Variants in SMC4 observed in about 807,000 individuals in gnomAD.
SMC4 encodes the protein structural maintenance of chromosomes 4.
SMC4 carries 87 observed loss-of-function variants against 145.6 expected under a neutral mutation model. The ratio of observed to expected loss-of-function variants is 0.60; its 90% CI spans 0.50 to 0.71. SMC4 has a LOEUF of 0.71. Among genes scored for constraint, SMC4 ranks in the 30% least tolerant of loss-of-function variants. The probability of loss-of-function intolerance (pLI) is 0.00; values close to 1 mark genes in which losing one functional copy is unlikely to be tolerated. For missense variants in SMC4, 1,447 were observed against 1,537.1 expected, an observed-to-expected ratio of 0.94 and a Z score of 0.98; for synonymous variants, 558 against 500.7, an observed-to-expected ratio of 1.11 and a Z score of -1.53.
Position 160,431,712 on chromosome 3 carries a change from G to C in SMC4, c.3184G>C (p.Asp1062His), listed in dbSNP as rs769837048. The change falls in exon 21 of 24, where the codon GAT becomes CAT. Residue 1062 changes from aspartate to histidine, a missense_variant. Physicochemically the swap from Asp to His is moderately conservative, Grantham distance 81. Coordinates refer to ENST00000357388, the MANE Select transcript of SMC4 (RefSeq NM_001002800.3). ...IEEISVLSPE[D>H]LEAIKNPDSI... The stretch of plus-strand genomic sequence containing the variant: ...AGAGATTTCGGTTCTAAGCCCAGAG[G>C]ATCTTGAAGCGATCAAGAATCCAGA... 1 of 1,613,334 alleles carries C rather than the reference G, an allele frequency of 6.2e-7. No homozygotes were observed. The highest frequency in any genetic ancestry group is 1.1e-5 in the South Asian group (1 of 90,922).
chr3:160,413,486 A>G lies in SMC4; in HGVS notation c.994A>G (p.Lys332Glu), dbSNP rs146584776. 326 of 1,582,366 alleles carry G rather than the reference A, an allele frequency of 2.1e-4. No individual in the cohort carries two copies. The highest frequency in any genetic ancestry group is 2.6e-4 in the Non-Finnish European group (302 of 1,171,594). ...VCQYYIYELQ[K>E]RIAEMETQKE... ...TCCTCCCTATAGTTATGAGTTGCAG[A>G]AACGAATTGCTGAAATGGAAACTCA... Residue 332 changes from lysine to glutamate, a missense_variant, in exon 8 of 24, where the codon AAA becomes GAA. By Grantham distance (56) the Lys-to-Glu change is moderately conservative. Coordinates refer to ENST00000357388, the MANE Select transcript of SMC4 (RefSeq NM_001002800.3).
chr3:160,432,241 A>G (rs777858287), intron 21 of SMC4, 42 bp from the exon 22 acceptor site: 1 of 1,381,116 alleles, frequency 7.2e-7, no homozygotes. Flanking sequence ...TATCATATCA[A>G]ATTTATCTGA....
rs772016913 is a variant in SMC4, at chr3:160,433,853, A to AT, written c.*51dup. The AT allele has an allele frequency of 1.3e-5, 19 of 1,436,146 alleles. No homozygotes were observed. Among genetic ancestry groups the AT allele is most frequent in the South Asian group, 2.6e-5 (2 of 77,482 alleles). 89.0% of individuals were successfully genotyped at this position (1,436,146 alleles called of 1,614,324 possible). ...TTCAAGTTGATTCAGTGTATTACTG[A>AT]TTTTTTTCTATTTGTAAAGGATTAT... On this transcript the variant is annotated 3_prime_UTR_variant, in exon 24 of 24. Coordinates refer to ENST00000357388, the MANE Select transcript of SMC4 (RefSeq NM_001002800.3).
intron 10 of SMC4, 45 bp from the exon 11 acceptor site, chr3:160,417,678 G>T (rs761961289): frequency 7.0e-7 from 1 of 1,425,450 alleles, no homozygotes; most frequent in East Asian, 2.3e-5. Flanking sequence ...GTGTAGGTTT[G>T]AAAGTAAATA....
chr3:160,403,438 TTTTCTC>T (rs1185884853), intron 4 of SMC4, among the ~76,000 whole-genome samples: 3 of 152,268 alleles, frequency 2.0e-5, no homozygotes, highest in Admixed American at 1.3e-4. Context: ...TGTTGAGACT[TTTTCTC>T]TTCTGTTTAA....
At chr3:160,418,417 C>T (rs1716811518) in intron 11 of SMC4, among the ~76,000 whole-genome samples, 1 of 152,072 alleles carries the variant, frequency 6.6e-6, no homozygotes, top group African/African-American at 2.4e-5. Flanking sequence ...GTCCCCCATC[C>T]TTGAGTGAAT....
intron 1 of SMC4, chr3:160,400,159 C>T (rs1031924979): frequency 6.6e-6 from 1 of 152,410 alleles, no homozygotes; most frequent in Non-Finnish European, 1.5e-5. Context: ...GAGAGACAAA[C>T]TCTTGCCACT....
Position 160,413,561 on chromosome 3 carries a change from A to G in SMC4, c.1069A>G (p.Ile357Val). Residue 357 changes from isoleucine (I) to valine (V), a missense_variant, in exon 8 of 24, where the codon ATA becomes GTA. Ile to Val is a conservative substitution (Grantham distance 29). Coordinates refer to ENST00000357388, the MANE Select transcript of SMC4 (RefSeq NM_001002800.3). ...CAAAGAAATTAATGAGAAGAGCAATATACTATCAAATGAAATGAAAGCTAA... is the reference window on the plus strand; with the variant it reads ...CAAAGAAATTAATGAGAAGAGCAATGTACTATCAAATGAAATGAAAGCTAA... Reference protein sequence around the residue: ...DTKEINEKSNILSNEMKAKNK... With the variant: ...DTKEINEKSNVLSNEMKAKNK... 2 of 1,501,154 alleles carry G rather than the reference A, an allele frequency of 1.3e-6. No homozygotes were observed. The highest frequency in any genetic ancestry group is 1.8e-6 in the Non-Finnish European group (2 of 1,101,052). 93.0% of individuals were successfully genotyped at this position (1,501,154 alleles called of 1,614,324 possible).
rs185163426 is a variant in SMC4, at chr3:160,414,381, T to C, written c.1136T>C (p.Ile379Thr). 17 of 1,599,056 alleles carry C rather than the reference T, an allele frequency of 1.1e-5. No homozygotes were observed. In the Admixed American group the frequency reaches 2.4e-4, roughly 22 times the overall value. The change falls in exon 9 of 24, where the codon ATT (isoleucine) becomes ACT (threonine). Residue 379 changes from isoleucine to threonine, a missense_variant. Coordinates refer to ENST00000357388, the MANE Select transcript of SMC4 (RefSeq NM_001002800.3). ...VKDTEKKLNKITKFIEENKEK... is the reference protein window; with the variant it reads ...VKDTEKKLNKTTKFIEENKEK... The stretch of plus-strand genomic sequence containing the variant: ...TGCTTTGCTAGGAAACTGAATAAAA[T>C]TACAAAATTTATTGAGGAGAATAAA...
At chr3:160,420,395 G>A (rs1000190911) in intron 12 of SMC4, among the ~76,000 whole-genome samples, 7 of 152,148 alleles carry the variant, frequency 4.6e-5, no homozygotes, top group Non-Finnish European at 1.0e-4. Context: ...AGATAGTTGT[G>A]TAATAGATAA....
At position 160,434,074 on chromosome 3, in the gene SMC4, G is replaced by C. The variant is rs988048845; in HGVS notation, c.*265G>C. 3.2e-5 allele frequency: 9 copies of C among 280,102 alleles called. No homozygotes were observed. The highest frequency in any genetic ancestry group is 5.8e-5 in the Admixed American group (1 of 17,206). The allele number at this position is 280,102 out of a possible 1,614,324, so 17.4% of individuals were successfully genotyped here. A position where few individuals can be genotyped will look rare whatever the true frequency, so the allele number is the denominator to read the frequency against. On this transcript the variant is annotated 3_prime_UTR_variant, in exon 24 of 24. Transcript: ENST00000357388. ...GTCAGGTAACTTGCCAAACTAAAAA[G>C]TATGTTAGTTGAGGCAAAGTCCTAA...
Position 160,434,044 on chromosome 3 carries a change from G to A in SMC4, c.*235G>A, listed in dbSNP as rs1239520955. Reference sequence around the variant, plus strand: ...GACTATGGAGAAAAATGAGTTACCTGGAGGGTCAGGTAACTTGCCAAACTA... The same window carrying A: ...GACTATGGAGAAAAATGAGTTACCTAGAGGGTCAGGTAACTTGCCAAACTA... On this transcript the variant is annotated 3_prime_UTR_variant, in exon 24 of 24. Transcript: ENST00000357388. 5 of 331,352 alleles carry A rather than the reference G, an allele frequency of 1.5e-5. No homozygotes were observed. Among genetic ancestry groups the A allele is most frequent in the Non-Finnish European group, 2.7e-5 (5 of 183,374 alleles). The allele number at this position is 331,352 out of a possible 1,614,324, so 20.5% of individuals were successfully genotyped here.
intron 17 of SMC4, among the ~76,000 whole-genome samples, chr3:160,427,112 G>A (rs567521089): frequency 6.6e-6 from 1 of 152,312 alleles, no homozygotes; most frequent in South Asian, 2.1e-4. Flanking sequence ...ATTAATTTGT[G>A]TCTGTGTTTA....
Position 160,418,308 on chromosome 3 carries a change from A to G in SMC4, c.1671+352A>G, listed in dbSNP as rs185038555. On this transcript the variant is annotated intron_variant, in intron 11 of 23. Coordinates refer to ENST00000357388, the MANE Select transcript of SMC4 (RefSeq NM_001002800.3). ...TTATATAATGAATATACAAACAACT[A>G]TCTTAATGTGTTTTGGGTTTTGAAT... Among the ~76,000 whole-genome samples the G allele has an allele frequency of 8.3e-4, 127 of 152,344 alleles. 2 individuals are homozygous for G. The highest frequency in any genetic ancestry group is 1.6e-3 in the Non-Finnish European group (108 of 68,026).
chr3:160,408,533 C>T (rs936398985), intron 5 of SMC4, among the ~76,000 whole-genome samples: 10 of 152,150 alleles, frequency 6.6e-5, no homozygotes, highest in South Asian at 2.1e-4. Flanking sequence ...AGTGTTGTAG[C>T]GACTTGAAAC....
At chr3:160,413,948 G>C (rs1275384411) in intron 8 of SMC4, 1 of 302,936 alleles carries the variant, frequency 3.3e-6, no homozygotes, top group Non-Finnish European at 6.2e-6. Context: ...AGATTTTTAA[G>C]GGTTTTATCA....
At chr3:160,411,207 A>G (rs962049313) in intron 5 of SMC4, among the ~76,000 whole-genome samples, 6 of 152,232 alleles carry the variant, frequency 3.9e-5, no homozygotes, top group African/African-American at 1.2e-4. Context: ...TATATTAGTG[A>G]TTACAAACTG....
intron 5 of SMC4, among the ~76,000 whole-genome samples, chr3:160,409,042 G>A (rs1014381556): frequency 4.6e-5 from 7 of 151,452 alleles, no homozygotes; most frequent in South Asian, 2.1e-4. Context: ...CCAGACGGGC[G>A]GATCACGAGG....
In SMC4 at chr3:160,402,053, A is replaced by T; in HGVS notation, c.278A>T (p.Lys93Ile). 1 of 1,572,616 alleles carries T rather than the reference A, an allele frequency of 6.4e-7. No individual in the cohort carries two copies. ...ACTCATATTGTAAACCAGAACTTCA[A>T]ATCCTATGCTGGGGAGAAAATTCTG... Reference protein sequence around the residue: ...MITHIVNQNFKSYAGEKILGP... With the variant: ...MITHIVNQNFISYAGEKILGP... Residue 93 changes from lysine (K) to isoleucine (I), a missense_variant, in exon 3 of 24, where the codon AAA becomes ATA. Physicochemically the swap from Lys to Ile is moderately radical, Grantham distance 102. Transcript: ENST00000357388.
Sources: gnomAD v4.1 joint callset for allele counts (sites outside exome capture counted in the v4.1 genomes callset) on GRCh38, gnomAD v4.1.1 for gene constraint, MANE v1.5 for transcripts, NCBI Gene and HGNC (gene_info 2026-07-23, HGNC 2026-07-21) for gene names.